The following FOXP1 variants were observed in gnomAD, a reference collection of about 807,000 sequenced individuals.
FOXP1 encodes forkhead box protein P1.
Under a neutral mutation model 98.2 loss-of-function variants are expected in FOXP1, and 15 were observed. The ratio of observed to expected loss-of-function variants is 0.15; its 90% CI spans 0.10 to 0.24. The LOEUF (loss-of-function observed/expected upper bound fraction) is 0.24, where lower values mean the gene tolerates loss of function less well. Ranked by LOEUF, FOXP1 falls within the 10% of genes least tolerant of loss-of-function variation. The probability of loss-of-function intolerance (pLI) is 1.00; values close to 1 mark genes in which losing one functional copy is unlikely to be tolerated. For synonymous variants in FOXP1, 371 were observed against 314.5 expected, an observed-to-expected ratio of 1.18 and a Z score of -1.90; for missense variants, 633 against 848.5, an observed-to-expected ratio of 0.75 and a Z score of 3.15.
At chr3:71,433,215 C>T (rs1027776926) in intron 3 of FOXP1, among the ~76,000 whole-genome samples, 5 of 152,184 alleles carry the variant, frequency 3.3e-5, no homozygotes, top group African/African-American at 1.2e-4. Context: ...ATGTCATGAA[C>T]TATTGACATA....
At chr3:71,227,958 G>A (rs763461986) in intron 5 of FOXP1, among the ~76,000 whole-genome samples, 1 of 138,332 alleles carries the variant, frequency 7.2e-6, no homozygotes, top group Admixed American at 8.0e-5. Context: ...TGCAGCTCCC[G>A]ATCTTCCAGT....
intron 10 of FOXP1, 102 bp from the exon 11 acceptor site, chr3:71,041,634 G>A: frequency 1.7e-6 from 2 of 1,204,452 alleles, no homozygotes; most frequent in Non-Finnish European, 1.2e-6. Flanking sequence ...CTAGTGTTAG[G>A]GGGGTTTTTC....
At chr3:71,086,662 G>A (rs557694779) in intron 7 of FOXP1, among the ~76,000 whole-genome samples, 247 of 152,178 alleles carry the variant, frequency 1.6e-3, no homozygotes, top group African/African-American at 5.6e-3. Context: ...CTGTCTCACC[G>A]GATATTTTCC....
chr3:71,055,985 T>C (rs2050579483), intron 7 of FOXP1, among the ~76,000 whole-genome samples: 1 of 152,068 alleles, frequency 6.6e-6, no homozygotes, highest in Admixed American at 6.5e-5. Context: ...ATGATAGAAA[T>C]AACCTCCTGG....
intron 5 of FOXP1, among the ~76,000 whole-genome samples, chr3:71,282,214 T>G (rs1653968): frequency 0.47 from 71,576 of 151,600 alleles, 17,577 homozygotes; most frequent in African/African-American, 0.62. Context: ...AGAGAGAGAA[T>G]ATTTCAAATA....
intron 11 of FOXP1, among the ~76,000 whole-genome samples, chr3:71,027,556 A>G (rs573884059): frequency 8.6e-4 from 131 of 152,288 alleles, no homozygotes; most frequent in African/African-American, 2.9e-3. Flanking sequence ...TCTTCTCTAC[A>G]TTTAATTCAG....
At chr3:71,437,944 C>T (rs945223887) in intron 3 of FOXP1, among the ~76,000 whole-genome samples, 1 of 152,056 alleles carries the variant, frequency 6.6e-6, no homozygotes, top group East Asian at 1.9e-4. Flanking sequence ...AGAGAGCCCA[C>T]GGATCTGCTG....
rs1408498005 is a variant in FOXP1 at position 70,956,905 on chromosome 3, C to A, written c.*2342G>T. On this transcript the variant is annotated 3_prime_UTR_variant, in exon 21 of 21. Transcript: ENST00000649528. ...GTTACTTTTCTTTAAATGAAAAATG[C>A]TGACCAAAGCCTAATCGGAAAAAAA... 4.6e-6 allele frequency: 1 copy of A among 218,052 alleles called. No homozygotes were observed. 13.5% of individuals were successfully genotyped at this position (218,052 alleles called of 1,614,324 possible).
At chr3:71,543,954 T>C (rs1459561358) in intron 2 of FOXP1, among the ~76,000 whole-genome samples, 1 of 152,214 alleles carries the variant, frequency 6.6e-6, no homozygotes, top group Non-Finnish European at 1.5e-5. Flanking sequence ...ATTTACTATA[T>C]GCTGTGCCTG....
intron 14 of FOXP1, among the ~76,000 whole-genome samples, chr3:70,986,810 A>G (rs542816324): frequency 6.6e-6 from 1 of 152,204 alleles, no homozygotes; most frequent in Non-Finnish European, 1.5e-5. Context: ...GAAGTGTTTA[A>G]TAATTTTATG....
chr3:70,991,930 C>T (rs1559661014), intron 13 of FOXP1, among the ~76,000 whole-genome samples: 1 of 152,160 alleles, frequency 6.6e-6, no homozygotes. Flanking sequence ...TCTTAGTCTC[C>T]CTCCCTGCTC....
intron 5 of FOXP1, among the ~76,000 whole-genome samples, chr3:71,299,295 G>A (rs1435499560): frequency 6.6e-6 from 1 of 152,200 alleles, no homozygotes; most frequent in Non-Finnish European, 1.5e-5. Flanking sequence ...AGGCAGCCTA[G>A]CGCTGACATT....
chr3:71,007,954 T>C (rs754133307), intron 12 of FOXP1, among the ~76,000 whole-genome samples: 1 of 152,174 alleles, frequency 6.6e-6, no homozygotes, highest in Non-Finnish European at 1.5e-5. Flanking sequence ...ATAAATTACA[T>C]ACATCTAACA....
intron 11 of FOXP1, among the ~76,000 whole-genome samples, chr3:71,021,113 T>TTG (rs748830646): frequency 2.9e-4 from 44 of 152,212 alleles, no homozygotes; most frequent in Non-Finnish European, 5.7e-4. Context: ...ATTCACGGAG[T>TTG]TGTGTAACCA....
intron 2 of FOXP1, among the ~76,000 whole-genome samples, chr3:71,522,863 T>C (rs979754297): frequency 6.6e-6 from 1 of 152,206 alleles, no homozygotes; most frequent in Admixed American, 6.5e-5. Context: ...ATGGTTTTCC[T>C]TTCAAATTCC....
At chr3:71,195,690 GT>G (rs1305031315) in intron 6 of FOXP1, among the ~76,000 whole-genome samples, 11 of 152,194 alleles carry the variant, frequency 7.2e-5, no homozygotes, top group Non-Finnish European at 7.3e-5. Context: ...TTACTCAACT[GT>G]GGCCTGCAGT....
At chr3:71,228,273 T>C (rs2065997946) in intron 5 of FOXP1, among the ~76,000 whole-genome samples, 1 of 151,968 alleles carries the variant, frequency 6.6e-6, no homozygotes, top group Non-Finnish European at 1.5e-5. Flanking sequence ...TTCAATTCTC[T>C]ATACGCACCG....
rs141093455 is a variant in FOXP1, at chr3:71,495,377, C to T, written c.-297-1822G>A. 3.3e-3 allele frequency among the ~76,000 whole-genome samples: 495 copies of T among 152,300 alleles called. 2 individuals carry two copies. The highest frequency in any genetic ancestry group is 0.012 in the African/African-American group (480 of 41,556). ...TCTATTTGCTCATTTGTCTTCCCCA[C>T]TAGAATATAAGCTCAATTAGATAAA... On this transcript the variant is annotated intron_variant, in intron 2 of 20. Coordinates refer to ENST00000649528, the MANE Select transcript of FOXP1 (RefSeq NM_001349338.3).
At chr3:70,973,647 G>A (rs771504597) in intron 17 of FOXP1, among the ~76,000 whole-genome samples, 24 of 152,144 alleles carry the variant, frequency 1.6e-4, no homozygotes, top group Admixed American at 5.9e-4. Context: ...CAGACTCAAC[G>A]CTGGACATGA....
Sources: gnomAD v4.1 joint callset for allele counts (sites outside exome capture counted in the v4.1 genomes callset) on GRCh38, gnomAD v4.1.1 for gene constraint, MANE v1.5 for transcripts, NCBI Gene and HGNC (gene_info 2026-07-23, HGNC 2026-07-21) for gene names.